CDKAL1: variants seen among roughly 807,000 people sequenced by gnomAD.
CDKAL1 encodes the protein CDKAL1 threonylcarbamoyladenosine tRNA methylthiotransferase, also known as threonylcarbamoyladenosine tRNA methylthiotransferase.
A neutral mutation model predicts 68.2 loss-of-function variants in CDKAL1; 32 were observed. The ratio of observed to expected loss-of-function variants is 0.47; its 90% CI spans 0.35 to 0.63. CDKAL1 has a LOEUF of 0.63. CDKAL1 is among the 30% of genes least tolerant of loss of function. CDKAL1 has a pLI of 0.00. For synonymous variants in CDKAL1, 234 were observed against 244.3 expected (o/e 0.96, Z 0.39); for missense variants, 606 against 696.7 (o/e 0.87, Z 1.47).
chr6:20,910,461 A>T (rs757113913), intron 9 of CDKAL1, among the ~76,000 whole-genome samples: 1 of 152,190 alleles, frequency 6.6e-6, no homozygotes, highest in African/African-American at 2.4e-5. Context: ...CTATCTGGCA[A>T]CCTTTCCTGT....
intron 4 of CDKAL1, among the ~76,000 whole-genome samples, chr6:20,585,150 G>A (rs9348436): frequency 0.38 from 56,607 of 148,534 alleles, 11,017 homozygotes; most frequent in East Asian, 0.54. Flanking sequence ...TCCGCCTCCC[G>A]GGTTCACACC....
chr6:20,597,884 C>T (rs906241696), intron 4 of CDKAL1, among the ~76,000 whole-genome samples: 1 of 152,148 alleles, frequency 6.6e-6, no homozygotes, highest in Non-Finnish European at 1.5e-5. Context: ...GGATTCAGGG[C>T]TTTAGACACG....
intron 11 of CDKAL1, among the ~76,000 whole-genome samples, chr6:21,018,092 G>A (rs775858399): frequency 7.9e-5 from 12 of 152,272 alleles, no homozygotes; most frequent in Non-Finnish European, 1.6e-4. Flanking sequence ...TGCATTCTCT[G>A]TACAGTCTCC....
intron 5 of CDKAL1, among the ~76,000 whole-genome samples, chr6:20,736,168 A>G (rs577590517): frequency 1.0e-4 from 12 of 119,526 alleles, no homozygotes; most frequent in Non-Finnish European, 2.4e-4. Context: ...GTGGATTAGC[A>G]AACTATTAGC....
At position 21,179,454 on chromosome 6, in the gene CDKAL1, C is replaced by T. The variant is rs143536898; in HGVS notation, c.1300-18567C>T. 3.3e-5 allele frequency among the ~76,000 whole-genome samples: 5 copies of T among 152,100 alleles called. No homozygotes were observed. In the South Asian group the frequency reaches 1.0e-3, roughly 32 times the overall value. On this transcript the variant is annotated intron_variant, in intron 13 of 15. Coordinates refer to ENST00000274695, the MANE Select transcript of CDKAL1 (RefSeq NM_017774.3). ...GTAGTTCCTCAAGGGGCATTTATTT[C>T]CCTGTATTTTCTAGGAAATGCTATT...
At chr6:20,766,932 A>G (rs1310447980) in intron 7 of CDKAL1, among the ~76,000 whole-genome samples, 1 of 152,182 alleles carries the variant, frequency 6.6e-6, no homozygotes, top group Non-Finnish European at 1.5e-5. Flanking sequence ...AGATCAATTA[A>G]TCATTTTGAG....
chr6:20,702,232 A>G (rs1258827139), intron 5 of CDKAL1, among the ~76,000 whole-genome samples: 1 of 152,172 alleles, frequency 6.6e-6, no homozygotes, highest in Non-Finnish European at 1.5e-5. Context: ...ACAGACGGGC[A>G]GGTCGTGGGG....
chr6:20,854,073 A>G (rs529892520), intron 9 of CDKAL1, among the ~76,000 whole-genome samples: 1 of 152,330 alleles, frequency 6.6e-6, no homozygotes, highest in South Asian at 2.1e-4. Context: ...ATAGATAGGA[A>G]TTACGATGAA....
At chr6:20,998,597 C>G (rs1767250852) in intron 10 of CDKAL1, among the ~76,000 whole-genome samples, 1 of 143,296 alleles carries the variant, frequency 7.0e-6, no homozygotes, top group South Asian at 2.2e-4. Context: ...GGTGACAGAG[C>G]AAAATTCCAT....
intron 8 of CDKAL1, among the ~76,000 whole-genome samples, chr6:20,820,624 C>T (rs1348351261): frequency 1.3e-5 from 2 of 152,064 alleles, no homozygotes; most frequent in Admixed American, 6.6e-5. Context: ...TGATGAGGAG[C>T]GTTGGCCCCA....
intron 13 of CDKAL1, among the ~76,000 whole-genome samples, chr6:21,111,969 A>G (rs961257322): frequency 1.3e-4 from 20 of 152,214 alleles, no homozygotes; most frequent in African/African-American, 4.3e-4. Flanking sequence ...CAGGTAATGA[A>G]CATAACTTGT....
intron 13 of CDKAL1, among the ~76,000 whole-genome samples, chr6:21,164,176 A>G (rs928065538): frequency 3.3e-5 from 5 of 152,040 alleles, no homozygotes; most frequent in Non-Finnish European, 5.9e-5. Context: ...GATGATTTAA[A>G]AGATTTAAAA....
intron 9 of CDKAL1, among the ~76,000 whole-genome samples, chr6:20,851,747 C>T (rs1581699229): frequency 6.6e-6 from 1 of 151,150 alleles, no homozygotes; most frequent in South Asian, 2.1e-4. Context: ...TATTTCAAGA[C>T]TTGCAAAGAT....
At chr6:21,229,386 A>AACTT (rs1429031827) in intron 15 of CDKAL1, among the ~76,000 whole-genome samples, 2 of 152,024 alleles carry the variant, frequency 1.3e-5, no homozygotes, top group Non-Finnish European at 2.9e-5. Flanking sequence ...CTGTTGCTAC[A>AACTT]ACTTACCACT....
intron 10 of CDKAL1, among the ~76,000 whole-genome samples, chr6:20,962,062 A>G (rs939757321): frequency 4.6e-5 from 7 of 152,242 alleles, no homozygotes; most frequent in African/African-American, 1.4e-4. Flanking sequence ...CAGAGAGGGC[A>G]AACTGGTTAA....
At chr6:20,810,397 CACACACACACACA>C (rs1776752625) in intron 8 of CDKAL1, among the ~76,000 whole-genome samples, 2 of 2,166 alleles carry the variant, frequency 9.2e-4, no homozygotes, top group East Asian at 6.3e-3. Flanking sequence ...CTCTGTCACA[CACACACACACACA>C]CACACACACA....
intron 9 of CDKAL1, among the ~76,000 whole-genome samples, chr6:20,943,338 AAAAAAAG>A (rs1401070316): frequency 3.8e-5 from 3 of 78,986 alleles, no homozygotes; most frequent in East Asian, 1.0e-3. Flanking sequence ...CAAAAAAAAA[AAAAAAAG>A]AAAAAGAAAA....
chr6:21,019,016 A>G (rs1200958766), intron 11 of CDKAL1, among the ~76,000 whole-genome samples: 2 of 152,054 alleles, frequency 1.3e-5, no homozygotes, highest in African/African-American at 4.8e-5. Flanking sequence ...ATGGTGAGAT[A>G]CGTCTCCCTG....
At chr6:20,890,134 C>T (rs946549340) in intron 9 of CDKAL1, among the ~76,000 whole-genome samples, 4 of 152,160 alleles carry the variant, frequency 2.6e-5, no homozygotes, top group Admixed American at 1.3e-4. Context: ...TCCTGAGCTT[C>T]GAAGATGATA....
Sources: allele counts gnomAD v4.1 joint callset (sites outside exome capture counted in the v4.1 genomes callset), GRCh38; gene constraint gnomAD v4.1.1; transcripts MANE v1.5; gene names NCBI Gene and HGNC (gene_info 2026-07-23, HGNC 2026-07-21).